The following XKR3 variants were observed in gnomAD, a reference collection of about 807,000 sequenced individuals.
The protein encoded by XKR3 is XK-related protein 3.
Under a neutral mutation model 40.3 loss-of-function variants are expected in XKR3, and 27 were observed. The observed-to-expected ratio is 0.67, with a 90% CI of 0.49 to 0.92. The LOEUF is 0.92. Among genes scored for constraint, XKR3 ranks in the 40% least tolerant of loss-of-function variants. The pLI, the probability that XKR3 is intolerant of heterozygous loss-of-function variation, is 0.00. For missense variants in XKR3, 472 were observed against 537.6 expected (o/e 0.88, Z 1.21); for synonymous variants, 193 against 195.4 (o/e 0.99, Z 0.10).
intron 1 of XKR3, among the ~76,000 whole-genome samples, chr22:16,824,538 GAGAGT>G (rs1167303780): frequency 5.9e-5 from 9 of 152,176 alleles, no homozygotes; most frequent in Admixed American, 1.3e-4. Flanking sequence ...AAGGAGGAGG[GAGAGT>G]AGAGAGAGAA....
chr22:16,790,509 C>T (rs1307998527), intron 3 of XKR3, among the ~76,000 whole-genome samples: 1 of 152,056 alleles, frequency 6.6e-6, no homozygotes, highest in Non-Finnish European at 1.5e-5. Flanking sequence ...TATGATTACA[C>T]ATGGACAAAT....
chr22:16,818,605 C>T (rs1364602306), intron 1 of XKR3, among the ~76,000 whole-genome samples: 1 of 152,114 alleles, frequency 6.6e-6, no homozygotes, highest in African/African-American at 2.4e-5. Flanking sequence ...AAAAAAACTA[C>T]TACTTCAGTT....
chr22:16,797,192 T>G (rs2146152452), intron 3 of XKR3, among the ~76,000 whole-genome samples: 1 of 152,332 alleles, frequency 6.6e-6, no homozygotes, highest in South Asian at 2.1e-4. Context: ...AATGTTTAAA[T>G]GTAAGACCTC....
At chr22:16,823,610 TTAAAATATATCTGA>T (rs2060264550) in intron 1 of XKR3, among the ~76,000 whole-genome samples, 1 of 152,194 alleles carries the variant, frequency 6.6e-6, no homozygotes, top group Non-Finnish European at 1.5e-5. Context: ...CCTTGTCACT[TTAAAATATATCTGA>T]TTGCCAATTT....
chr22:16,803,101 A>G (rs556116317), intron 2 of XKR3, among the ~76,000 whole-genome samples: 11 of 150,644 alleles, frequency 7.3e-5, no homozygotes, highest in African/African-American at 2.7e-4. Context: ...TACACACACA[A>G]TTTTCCTTAG....
chr22:16,815,246 T>G (rs1407872298), intron 1 of XKR3, among the ~76,000 whole-genome samples: 2 of 152,086 alleles, frequency 1.3e-5, no homozygotes, highest in Non-Finnish European at 2.9e-5. Context: ...GTATCAGCAT[T>G]GCATAGCTGA....
At chr22:16,796,040 A>G (rs1237620903) in intron 3 of XKR3, among the ~76,000 whole-genome samples, 1 of 152,210 alleles carries the variant, frequency 6.6e-6, no homozygotes, top group East Asian at 1.9e-4. Flanking sequence ...GATCCCACAG[A>G]AATACAAAAG....
At position 16,795,483 on chromosome 22, in the gene XKR3, G is replaced by A. The variant is rs370747507; in HGVS notation, c.589+4288C>T. On this transcript the variant is annotated intron_variant, in intron 3 of 3. Coordinates refer to ENST00000684488, the MANE Select transcript of XKR3 (RefSeq NM_001386955.1). ...AATCTCAAATTAACAATTTAACTTT[G>A]CACCTAAAAGAACTGGGAGGGAGGG... Among the ~76,000 whole-genome samples the A allele has an allele frequency of 1.5e-3, 233 of 152,136 alleles. 2 individuals carry two copies. Among genetic ancestry groups the A allele is most frequent in the African/African-American group, 5.1e-3 (213 of 41,526 alleles).
At chr22:16,821,895 T>C (rs1272489267) in intron 1 of XKR3, among the ~76,000 whole-genome samples, 1 of 152,118 alleles carries the variant, frequency 6.6e-6, no homozygotes, top group Non-Finnish European at 1.5e-5. Context: ...AGTTACAGTT[T>C]AGTTTTATAA....
chr22:16,806,778 A>T (rs1267324195), intron 2 of XKR3, among the ~76,000 whole-genome samples: 1 of 152,174 alleles, frequency 6.6e-6, no homozygotes, highest in Non-Finnish European at 1.5e-5. Flanking sequence ...AGTTAACAAT[A>T]ATAAAAAGTA....
chr22:16,822,964 G>A (rs2060262693), intron 1 of XKR3, among the ~76,000 whole-genome samples: 2 of 152,038 alleles, frequency 1.3e-5, no homozygotes, highest in Non-Finnish European at 2.9e-5. Context: ...ACTCACTGAA[G>A]CCTCAACCTC....
chr22:16,802,402 G>A (rs1175204940), intron 2 of XKR3, among the ~76,000 whole-genome samples: 1 of 151,954 alleles, frequency 6.6e-6, no homozygotes, highest in African/African-American at 2.4e-5. Flanking sequence ...AGGAGTAAAG[G>A]AAAGAAAGAA....
chr22:16,784,701 A>G (rs2060082702), intron 3 of XKR3, among the ~76,000 whole-genome samples: 1 of 152,218 alleles, frequency 6.6e-6, no homozygotes, highest in African/African-American at 2.4e-5. Flanking sequence ...CACAGATAAA[A>G]TGGAAGAGAC....
chr22:16,813,174 C>G (rs2060219673), intron 1 of XKR3, among the ~76,000 whole-genome samples: 1 of 152,018 alleles, frequency 6.6e-6, no homozygotes, highest in Admixed American at 6.6e-5. Context: ...GTCCCAGCTA[C>G]TCGGGAGGCT....
chr22:16,807,118 C>T (rs1446086619), intron 2 of XKR3, among the ~76,000 whole-genome samples: 4 of 152,208 alleles, frequency 2.6e-5, no homozygotes, highest in African/African-American at 7.2e-5. Context: ...ATTTACCTGC[C>T]AAATTTTATG....
At chr22:16,801,841 T>A (rs1243214046) in intron 2 of XKR3, among the ~76,000 whole-genome samples, 1 of 152,208 alleles carries the variant, frequency 6.6e-6, no homozygotes, top group Non-Finnish European at 1.5e-5. Flanking sequence ...AATTTTAAGC[T>A]TCTATACACC....
rs2060080661 is a variant in XKR3, at chr22:16,784,317, T to A, written c.682A>T (p.Ile228Phe). 6.2e-7 allele frequency: 1 copy of A among 1,614,092 alleles called. No individual in the cohort carries two copies. The highest frequency in any genetic ancestry group is 8.5e-7 in the Non-Finnish European group (1 of 1,180,026). Reference sequence around the variant, plus strand: ...AAGAATTCTATCGGCGGTAGCTTAATGGTAGTATCATCATTGCTGATCTGG... The same window carrying A: ...AAGAATTCTATCGGCGGTAGCTTAAAGGTAGTATCATCATTGCTGATCTGG... ...AIQISNDDTTIKLPPIEFFCV... is the reference protein window; with the variant it reads ...AIQISNDDTTFKLPPIEFFCV... The change falls in exon 4 of 4, where the codon ATT becomes TTT. Residue 228 changes from isoleucine to phenylalanine, a missense_variant. Transcript: ENST00000684488.
intron 3 of XKR3, among the ~76,000 whole-genome samples, chr22:16,792,079 T>C (rs1269212703): frequency 6.6e-6 from 1 of 152,042 alleles, no homozygotes; most frequent in Non-Finnish European, 1.5e-5. Flanking sequence ...ATAGTTGAGA[T>C]TACAGGTACC....
chr22:16,813,951 A>G (rs2060223120), intron 1 of XKR3, among the ~76,000 whole-genome samples: 1 of 152,094 alleles, frequency 6.6e-6, no homozygotes, highest in Non-Finnish European at 1.5e-5. Context: ...ATCATTTCCT[A>G]TGCTTAGCTC....
Sources: allele counts gnomAD v4.1 joint callset (sites outside exome capture counted in the v4.1 genomes callset), GRCh38; gene constraint gnomAD v4.1.1; transcripts MANE v1.5; gene names NCBI Gene and HGNC (gene_info 2026-07-23, HGNC 2026-07-21).